PLS3: variants seen among roughly 807,000 people sequenced by gnomAD.
PLS3 encodes plastin-3.
Under a neutral mutation model 46.5 loss-of-function variants are expected in PLS3, and 11 were observed. The ratio of observed to expected loss-of-function variants is 0.24; its 90% CI spans 0.15 to 0.39. The LOEUF is 0.39. Ranked by LOEUF, PLS3 falls within the 10% of genes least tolerant of loss-of-function variation. PLS3 has a pLI of 1.00. For synonymous variants in PLS3, 167 were observed against 162.2 expected (o/e 1.03, Z -0.22); for missense variants, 308 against 461.8 (o/e 0.67, Z 3.05).
intron 7 of PLS3, 96 bp from the exon 8 acceptor site, chrX:115,636,740 C>G: frequency 1.3e-6 from 1 of 756,378 alleles, no homozygotes; most frequent in East Asian, 3.2e-5. Flanking sequence ...AGTTTTTGCA[C>G]CTCTATTACT....
intron 7 of PLS3, among the ~76,000 whole-genome samples, chrX:115,636,495 T>C (rs951935134): frequency 8.9e-6 from 1 of 111,836 alleles, no homozygotes; most frequent in Non-Finnish European, 1.9e-5. Context: ...CGTGAGCCAC[T>C]GCACCCAGAC....
At chrX:115,636,285 C>T (rs951945183) in intron 7 of PLS3, among the ~76,000 whole-genome samples, 1 of 103,447 alleles carries the variant, frequency 9.7e-6, no homozygotes, top group Non-Finnish European at 2.0e-5. Flanking sequence ...TAGCTCACTG[C>T]AAGCTCCACC....
At chrX:115,585,869 T>C (rs782474932) in intron 1 of PLS3, among the ~76,000 whole-genome samples, 1 of 111,936 alleles carries the variant, frequency 8.9e-6, no homozygotes, top group South Asian at 3.7e-4. Flanking sequence ...GTATACTTCT[T>C]AGTTTTTAAT....
chrX:115,631,554 G>A (rs1462327463), intron 5 of PLS3, among the ~76,000 whole-genome samples: 2 of 110,039 alleles, frequency 1.8e-5, no homozygotes, highest in South Asian at 3.9e-4. Flanking sequence ...GCAACAAAAC[G>A]AGACCCTGTC....
At chrX:115,621,827 A>G (rs1265953655) in intron 2 of PLS3, among the ~76,000 whole-genome samples, 1 of 112,211 alleles carries the variant, frequency 8.9e-6, no homozygotes, top group African/African-American at 3.2e-5. Flanking sequence ...TTAAGTTCAT[A>G]TAAGTTCTTT....
chrX:115,576,228 A>G (rs2074248008), intron 1 of PLS3, among the ~76,000 whole-genome samples: 1 of 111,740 alleles, frequency 8.9e-6, no homozygotes, highest in African/African-American at 3.3e-5. Context: ...TTATCTTTTG[A>G]CCTTTTGGGG....
intron 10 of PLS3, 73 bp from the exon 11 acceptor site, chrX:115,644,943 CTAATA>C (rs1219600490): frequency 1.6e-6 from 1 of 610,226 alleles, no homozygotes; most frequent in African/African-American, 2.2e-5. Context: ...ATAAAATAAT[CTAATA>C]TGTGTATTGG....
At chrX:115,635,811 G>A (rs1022347562) in intron 7 of PLS3, among the ~76,000 whole-genome samples, 9 of 108,052 alleles carry the variant, frequency 8.3e-5, no homozygotes, top group South Asian at 4.2e-4. Context: ...CTAACATGGC[G>A]GAACCCCGTC....
intron 1 of PLS3, among the ~76,000 whole-genome samples, chrX:115,572,759 A>C (rs1251419191): frequency 6.3e-5 from 7 of 111,724 alleles, no homozygotes; most frequent in Non-Finnish European, 1.9e-5. Context: ...CACAAAAATA[A>C]TCTTGGTTCT....
chrX:115,596,365 G>A (rs191964996), intron 1 of PLS3, among the ~76,000 whole-genome samples: 5 of 111,825 alleles, frequency 4.5e-5, no homozygotes, highest in Non-Finnish European at 9.4e-5. Context: ...GGTGCTTGTG[G>A]TGAGCCAAGA....
Position 115,640,441 on chromosome X carries a change from A to G in PLS3, c.925A>G (p.Ile309Val), listed in dbSNP as rs140968059. 2.2e-3 allele frequency: 2,632 copies of G among 1,195,409 alleles called. 3 individuals carry two copies. The highest frequency in any genetic ancestry group is 2.6e-3 in the Non-Finnish European group (2,262 of 882,250). Residue 309 changes from isoleucine to valine, a missense_variant, in exon 9 of 16, where the codon ATC becomes GTC. Transcript: ENST00000355899. ...AGCCTATTTCCATCTTCTCAATCAA[A>G]TCGCACCAAAAGGACAAAAGGAAGG... Reference protein sequence around the residue: ...SKAYFHLLNQIAPKGQKEGEP... With the variant: ...SKAYFHLLNQVAPKGQKEGEP...
chrX:115,628,638 G>A (rs782676942), intron 3 of PLS3, among the ~76,000 whole-genome samples: 1 of 111,784 alleles, frequency 8.9e-6, no homozygotes, highest in South Asian at 3.7e-4. Flanking sequence ...GCCCCAATAA[G>A]ACAATCACTG....
intron 7 of PLS3, among the ~76,000 whole-genome samples, 173 bp downstream of exon 7, chrX:115,635,219 A>G (rs1180664982): frequency 8.9e-6 from 1 of 111,828 alleles, no homozygotes; most frequent in African/African-American, 3.3e-5. Flanking sequence ...TCTCTTCTTT[A>G]CTAGTAATTC....
At chrX:115,647,715 A>G in intron 14 of PLS3, 42 bp downstream of exon 14, 2 of 1,166,505 alleles carry the variant, frequency 1.7e-6, no homozygotes, top group South Asian at 1.8e-5. Flanking sequence ...TGTTTGCTGG[A>G]TAACATCTAT....
intron 2 of PLS3, among the ~76,000 whole-genome samples, chrX:115,613,958 T>C (rs1043435840): frequency 4.5e-5 from 5 of 111,693 alleles, no homozygotes; most frequent in Non-Finnish European, 9.4e-5. Flanking sequence ...TTATTTTTAT[T>C]TTTAATTATT....
chrX:115,631,241 C>A (rs145662483), intron 5 of PLS3, among the ~76,000 whole-genome samples: 1,555 of 106,862 alleles, frequency 0.015, 31 homozygotes, highest in African/African-American at 0.05. Flanking sequence ...ATTATTATTT[C>A]TTTACTTTTA....
chrX:115,600,690 A>G (rs4469651), intron 1 of PLS3, among the ~76,000 whole-genome samples: 1 of 112,394 alleles, frequency 8.9e-6, no homozygotes, highest in Admixed American at 9.5e-5. Context: ...TCCCAGTTAG[A>G]CTGACTGTCC....
chrX:115,576,092 T>G (rs782194649), intron 1 of PLS3, among the ~76,000 whole-genome samples: 3 of 112,080 alleles, frequency 2.7e-5, no homozygotes, highest in Non-Finnish European at 5.6e-5. Context: ...TATATCCATA[T>G]AGAACAAAAT....
intron 1 of PLS3, among the ~76,000 whole-genome samples, chrX:115,600,275 C>A (rs1017451013): frequency 9.1e-6 from 1 of 110,286 alleles, no homozygotes; most frequent in Admixed American, 9.7e-5. Flanking sequence ...GCTCAGGCCA[C>A]CATGCTGGCT....
Sources: allele counts gnomAD v4.1 joint callset (sites outside exome capture counted in the v4.1 genomes callset), GRCh38; gene constraint gnomAD v4.1.1; transcripts MANE v1.5; gene names NCBI Gene and HGNC (gene_info 2026-07-23, HGNC 2026-07-21).